Variants in KLRG1 observed in about 807,000 individuals in gnomAD.
The protein encoded by KLRG1 is killer cell lectin-like receptor subfamily G member 1.
Under a neutral mutation model 21.8 loss-of-function variants are expected in KLRG1, and 16 were observed. That is an observed-to-expected ratio of 0.73 (90% CI 0.50 to 1.11). The LOEUF (loss-of-function observed/expected upper bound fraction) is 1.11. Among genes scored for constraint, KLRG1 ranks in the 50% most tolerant of loss-of-function variants. The pLI, the probability that KLRG1 is intolerant of heterozygous loss-of-function variation, is 0.00. For missense variants in KLRG1, 173 were observed against 218.3 expected (o/e 0.79, Z 1.31); for synonymous variants, 69 against 75.9 (o/e 0.91, Z 0.47).
chr12:9,135,801 G>T, the KLRG1 span, among the ~76,000 whole-genome samples: 4 of 152,160 alleles, frequency 2.6e-5, no homozygotes, highest in Non-Finnish European at 5.9e-5. Flanking sequence ...CCAAGTAAAT[G>T]ATCACTTTAT....
At chr12:9,202,332 G>C in the KLRG1 span, 9 of 1,613,912 alleles carry the variant, frequency 5.6e-6, no homozygotes, top group Middle Eastern at 1.7e-4. Flanking sequence ...TTCATTTCGA[G>C]GGCGAAAATT....
chr12:9,113,118 T>C, the KLRG1 span, among the ~76,000 whole-genome samples: 1 of 139,832 alleles, frequency 7.2e-6, no homozygotes, highest in African/African-American at 2.8e-5. Context: ...TTTTTTTTTT[T>C]CCTTTCTGGC....
the KLRG1 span, among the ~76,000 whole-genome samples, chr12:9,142,455 C>A: frequency 6.6e-6 from 1 of 152,214 alleles, no homozygotes; most frequent in Non-Finnish European, 1.5e-5. Flanking sequence ...AAAATGTATG[C>A]TGGCAACTCT....
the KLRG1 span, chr12:9,160,584 A>G: frequency 9.5e-6 from 11 of 1,158,304 alleles, no homozygotes; most frequent in Middle Eastern, 5.5e-4. Flanking sequence ...AGAGTCTATC[A>G]TTTAGGTAAG....
chr12:9,124,586 A>C, the KLRG1 span, among the ~76,000 whole-genome samples: 1 of 152,184 alleles, frequency 6.6e-6, no homozygotes, highest in Non-Finnish European at 1.5e-5. Flanking sequence ...GCTGCGCGGG[A>C]GATTCCCTGG....
chr12:9,122,279 G>A, the KLRG1 span, among the ~76,000 whole-genome samples: 10 of 152,166 alleles, frequency 6.6e-5, no homozygotes, highest in Non-Finnish European at 1.3e-4. Context: ...AAGTGTATGC[G>A]TGTTTGTGTG....
chr12:9,070,184 T>G, the KLRG1 span, among the ~76,000 whole-genome samples: 8 of 152,224 alleles, frequency 5.3e-5, no homozygotes, highest in Admixed American at 5.2e-4. Context: ...AATCAGTCAT[T>G]TTCATATTTT....
the KLRG1 span, chr12:9,070,678 C>T: frequency 1.2e-5 from 9 of 756,220 alleles, no homozygotes; most frequent in East Asian, 5.5e-5. Context: ...AAAAGGTACA[C>T]GTAAGTCTTC....
the KLRG1 span, among the ~76,000 whole-genome samples, chr12:9,016,215 C>G: frequency 6.6e-6 from 1 of 151,848 alleles, no homozygotes; most frequent in Non-Finnish European, 1.5e-5. Flanking sequence ...AATGAAACCA[C>G]AAGTTGGTTT....
chr12:9,043,685 A>G, the KLRG1 span, among the ~76,000 whole-genome samples: 4 of 152,242 alleles, frequency 2.6e-5, no homozygotes, highest in Admixed American at 1.3e-4. Flanking sequence ...TCCTCCCTCA[A>G]GAGGTGAAAT....
chr12:9,105,561 CTG>C, the KLRG1 span, among the ~76,000 whole-genome samples: 1 of 152,130 alleles, frequency 6.6e-6, no homozygotes, highest in African/African-American at 2.4e-5. Context: ...GCACATGTAA[CTG>C]TGATCTCAGA....
the KLRG1 span, chr12:9,111,950 G>T: frequency 1.4e-6 from 1 of 728,876 alleles, no homozygotes. Context: ...TGTGACAACT[G>T]ACTGAGTACC....
chr12:9,089,177 A>G, the KLRG1 span: 1 of 1,537,890 alleles, frequency 6.5e-7, no homozygotes, highest in Middle Eastern at 1.7e-4. Context: ...AATGTTTTTT[A>G]AATTATGATG....
chr12:9,125,974 C>T, the KLRG1 span, among the ~76,000 whole-genome samples: 4 of 152,184 alleles, frequency 2.6e-5, no homozygotes, highest in Non-Finnish European at 5.9e-5. Flanking sequence ...AGCTTGTGAT[C>T]CACCCACCTC....
the KLRG1 span, chr12:9,101,563 G>A: frequency 6.8e-6 from 11 of 1,613,850 alleles, no homozygotes; most frequent in Non-Finnish European, 9.3e-6. Context: ...GGCTCAAGGT[G>A]GACAAAGCTC....
chr12:9,053,224 G>T, the KLRG1 span, among the ~76,000 whole-genome samples: 1 of 152,186 alleles, frequency 6.6e-6, no homozygotes, highest in African/African-American at 2.4e-5. Flanking sequence ...TCCTGTGCAG[G>T]GTTGTTCCCA....
intron 1 of KLRG1, among the ~76,000 whole-genome samples, chr12:8,973,643 T>G (rs776994527): frequency 1.3e-5 from 2 of 152,214 alleles, no homozygotes; most frequent in Non-Finnish European, 2.9e-5. Context: ...TAAGACATAG[T>G]ATGGATATTT....
the KLRG1 span, chr12:9,156,019 T>C: frequency 1.1e-5 from 2 of 176,828 alleles, no homozygotes; most frequent in Non-Finnish European, 2.4e-5. Context: ...TTCTTGACCT[T>C]TTGGCTAAGA....
At chr12:9,202,602 T>C in the KLRG1 span, 2 of 1,614,082 alleles carry the variant, frequency 1.2e-6, no homozygotes, top group Non-Finnish European at 1.7e-6. Context: ...CAGAACTGTG[T>C]TCCTCTTCCT....
Sources: gnomAD v4.1 joint callset for allele counts (sites outside exome capture counted in the v4.1 genomes callset) on GRCh38, gnomAD v4.1.1 for gene constraint, MANE v1.5 for transcripts, NCBI Gene and HGNC (gene_info 2026-07-23, HGNC 2026-07-21) for gene names.